The following MLKL variants were observed in gnomAD, a reference collection of about 807,000 sequenced individuals.
The protein encoded by MLKL is mixed lineage kinase domain-like protein.
Under a neutral mutation model 56.5 loss-of-function variants are expected in MLKL, and 55 were observed. That is an observed-to-expected ratio of 0.97 (90% CI 0.78 to 1.22). The LOEUF (loss-of-function observed/expected upper bound fraction) is 1.22, where lower values mean the gene tolerates loss of function less well. Ranked by LOEUF, MLKL falls within the 50% of genes most tolerant of loss-of-function variation. The pLI, the probability that MLKL is intolerant of heterozygous loss-of-function variation, is 0.00. For missense variants in MLKL, 694 were observed against 573.9 expected (o/e 1.21, Z -2.14); for synonymous variants, 251 against 208.3 (o/e 1.20, Z -1.76).
In MLKL at chr16:74,671,893, T is replaced by G. The variant is rs151025923; in HGVS notation, c.*611A>C. ...AACAGTAATTTATTTAGCTCCTGAT[T>G]GTGTGAATGGGCAATTTGGGCTGGG... is the stretch of plus-strand genomic sequence containing the variant. On this transcript the variant is annotated 3_prime_UTR_variant, in exon 11 of 11. Coordinates refer to ENST00000308807, the MANE Select transcript of MLKL (RefSeq NM_152649.4). 7 of 152,356 alleles carry G rather than the reference T, an allele frequency of 4.6e-5. No homozygotes were observed. In the East Asian group the frequency reaches 1.3e-3, roughly 29 times the overall value. 9.4% of individuals were successfully genotyped at this position (152,356 alleles called of 1,614,324 possible). A position where few individuals can be genotyped will look rare whatever the true frequency, so the allele number is the denominator to read the frequency against.
chr16:74,682,885 G>C, intron 5 of MLKL, 99 bp from the exon 6 acceptor site: 2 of 1,396,174 alleles, frequency 1.4e-6, no homozygotes, highest in South Asian at 2.7e-5. Context: ...TACAGACTTG[G>C]CTCTGCTGAG....
intron 1 of MLKL, among the ~76,000 whole-genome samples, chr16:74,697,884 G>A (rs185870199): frequency 1.3e-5 from 2 of 152,116 alleles, no homozygotes; most frequent in Admixed American, 6.6e-5. Flanking sequence ...TAATCACAAG[G>A]CCATGGAACC....
chr16:74,684,493 G>GTT (rs998856343), intron 5 of MLKL, among the ~76,000 whole-genome samples: 2 of 142,898 alleles, frequency 1.4e-5, no homozygotes, highest in Non-Finnish European at 1.5e-5. Context: ...TAAAGTAATG[G>GTT]TTTTTTTTTT....
Position 74,675,372 on chromosome 16 carries a change from C to A in MLKL, c.1223G>T (p.Gly408Val), listed in dbSNP as rs759236585. ...TTCTTCACCTTGAAACGGGATATCTCCAGTGGCGATTTCCCAGAGGACGAT... is the reference window on the plus strand; with the variant it reads ...TTCTTCACCTTGAAACGGGATATCTACAGTGGCGATTTCCCAGAGGACGAT... The part of the protein sequence containing the change: ...FGIVLWEIAT[G>V]DIPFQGCNSE... The change falls in exon 9 of 11, where the codon GGA becomes GTA. Residue 408 changes from glycine (G) to valine (V), a missense_variant. Coordinates refer to ENST00000308807, the MANE Select transcript of MLKL (RefSeq NM_152649.4). 3 of 1,614,136 alleles carry A rather than the reference C, an allele frequency of 1.9e-6. No individual in the cohort carries two copies. The Admixed American group carries it at 5.0e-5, about 27-fold the overall frequency.
At position 74,672,540 on chromosome 16, in the gene MLKL, T is replaced by G. The variant is rs999116660; in HGVS notation, c.1382-2A>C. 5.9e-5 allele frequency: 96 copies of G among 1,613,766 alleles called. No individual in the cohort carries two copies. The highest frequency in any genetic ancestry group is 7.8e-5 in the Non-Finnish European group (92 of 1,179,764). ...AGGTGGAGAGTTTCTTTAAGATTTC[T>G]GTGGATGAATGAACAGAAAATTAGA... is the stretch of plus-strand genomic sequence containing the variant. On this transcript the variant is annotated splice_acceptor_variant, in intron 10 of 10. Transcript: ENST00000308807. LOFTEE classifies it high-confidence loss of function.
At chr16:74,698,035 C>G (rs1961153816) in intron 1 of MLKL, among the ~76,000 whole-genome samples, 1 of 151,886 alleles carries the variant, frequency 6.6e-6, no homozygotes, top group African/African-American at 2.4e-5. Context: ...GAAACCCTGT[C>G]TCTACAAAAA....
chr16:74,691,547 G>A lies in MLKL; in HGVS notation c.536-84C>T, dbSNP rs79371911. ...CTAAGGGAGGTGGCATATTTGTGAT[G>A]TGTGAGTGGGAAGCTCTACTACATG... On this transcript the variant is annotated intron_variant, in intron 3 of 10. Transcript: ENST00000308807. 2,544 of 1,410,418 alleles carry A rather than the reference G, an allele frequency of 1.8e-3. 42 individuals carry two copies. In the African/African-American group the frequency reaches 0.033, roughly 18 times the overall value. 87.4% of individuals were successfully genotyped at this position (1,410,418 alleles called of 1,614,324 possible). A position where few individuals can be genotyped will look rare whatever the true frequency, so the allele number is the denominator to read the frequency against.
Position 74,675,728 on chromosome 16 carries a change from TG to T in MLKL, c.1074del (p.Met359Ter). ...AGFELRKTQT[S>X]MSLGTTREKT... ...TTTTCTCTCGTAGTTCCCAAACTCA[TG>T]GAAGTCTGTGTTTTCCTCAACTCAA... On this transcript the variant is annotated frameshift_variant, in exon 8 of 11. Coordinates refer to ENST00000308807, the MANE Select transcript of MLKL (RefSeq NM_152649.4). LOFTEE classifies it high-confidence loss of function. 6.2e-7 allele frequency: 1 copy of T among 1,614,184 alleles called. No individual in the cohort carries two copies. Among genetic ancestry groups the T allele is most frequent in the Non-Finnish European group, 8.5e-7 (1 of 1,180,046 alleles).
Position 74,675,722 on chromosome 16 carries a change from A to C in MLKL, c.1081T>G (p.Leu361Val). The C allele has an allele frequency of 6.2e-7, 1 of 1,614,158 alleles. No homozygotes were observed. Among genetic ancestry groups the C allele is most frequent in the African/African-American group, 1.3e-5 (1 of 75,052 alleles). ...TCTGTCTTTTCTCTCGTAGTTCCCA[A>C]ACTCATGGAAGTCTGTGTTTTCCTC... ...ELRKTQTSMS[L>V]GTTREKTDRV... Residue 361 changes from leucine to valine, a missense_variant, in exon 8 of 11, where the codon TTG becomes GTG. Transcript: ENST00000308807.
chr16:74,677,314 A>C (rs1290485236), intron 7 of MLKL: 1 of 152,568 alleles, frequency 6.6e-6, no homozygotes, highest in African/African-American at 2.4e-5. Context: ...TGGCCTCCCA[A>C]AGTGCTGGGA....
intron 1 of MLKL, among the ~76,000 whole-genome samples, chr16:74,697,389 G>A (rs1414279059): frequency 6.6e-6 from 1 of 152,052 alleles, no homozygotes. Context: ...GATTGTTTAA[G>A]GCAGTTTGAA....
intron 4 of MLKL, among the ~76,000 whole-genome samples, chr16:74,691,039 TG>T (rs1960637078): frequency 6.6e-6 from 1 of 150,510 alleles, no homozygotes; most frequent in Non-Finnish European, 1.5e-5. Flanking sequence ...GAAACAAGGT[TG>T]GAAGGGAAAG....
intron 4 of MLKL, 36 bp downstream of exon 4, chr16:74,691,241 T>C (rs756758655): frequency 1.3e-5 from 20 of 1,552,292 alleles, no homozygotes; most frequent in East Asian, 9.0e-5. Flanking sequence ...AGAGTAAGTA[T>C]TGGTACACAC....
rs769352532 is a variant in MLKL at position 74,692,386 on chromosome 16, C to T, written c.491G>A (p.Arg164Gln). ...DNEKIEASLR[R>Q]LEINMKEIKE... ...GATTTCTTTCATGTTGATTTCTAAT[C>T]GTCTCAGTGAAGCTTCTATTTTTTC... Residue 164 changes from arginine to glutamine, a missense_variant, in exon 3 of 11, where the codon CGA (arginine) becomes CAA (glutamine). Arg to Gln is a conservative substitution (Grantham distance 43). Coordinates refer to ENST00000308807, the MANE Select transcript of MLKL (RefSeq NM_152649.4). The T allele has an allele frequency of 9.9e-6, 16 of 1,613,692 alleles. No individual in the cohort carries two copies. The highest frequency in any genetic ancestry group is 6.7e-5 in the African/African-American group (5 of 74,886).
intron 10 of MLKL, 51 bp downstream of exon 10, chr16:74,674,909 A>G (rs143572680): frequency 1.7e-5 from 26 of 1,575,532 alleles, no homozygotes; most frequent in Non-Finnish European, 2.2e-5. Flanking sequence ...ATCTTTCACA[A>G]GTGTGAAATA....
intron 1 of MLKL, among the ~76,000 whole-genome samples, chr16:74,700,102 T>C (rs1406147943): frequency 6.6e-6 from 1 of 152,110 alleles, no homozygotes; most frequent in Non-Finnish European, 1.5e-5. Flanking sequence ...ATAAAATAAG[T>C]AAAGGTTATC....
intron 3 of MLKL, among the ~76,000 whole-genome samples, chr16:74,691,915 C>A (rs568051951): frequency 1.3e-5 from 2 of 152,310 alleles, no homozygotes; most frequent in South Asian, 4.1e-4. Flanking sequence ...TCCTCCTCCA[C>A]CCCGTGAGCT....
At chr16:74,676,489 T>C in intron 7 of MLKL, 1 of 984,738 alleles carries the variant, frequency 1.0e-6, no homozygotes, top group Middle Eastern at 5.2e-4. Flanking sequence ...CATTCATTCA[T>C]TCATTCATTT....
intron 5 of MLKL, 68 bp downstream of exon 5, chr16:74,685,418 C>T: frequency 8.9e-7 from 1 of 1,124,240 alleles, no homozygotes; most frequent in Admixed American, 1.9e-5. Flanking sequence ...AAAAATGCAA[C>T]ACATTAAAAC....
Sources: gnomAD v4.1 joint callset for allele counts (sites outside exome capture counted in the v4.1 genomes callset) on GRCh38, gnomAD v4.1.1 for gene constraint, MANE v1.5 for transcripts, NCBI Gene and HGNC (gene_info 2026-07-23, HGNC 2026-07-21) for gene names.